The following VPS13C variants were observed in gnomAD, a reference collection of about 807,000 sequenced individuals.
The protein encoded by VPS13C is vacuolar protein sorting 13 homolog C.
In VPS13C, 358 loss-of-function variants were observed where a neutral mutation model predicts 456.8. That is an observed-to-expected ratio of 0.78 (90% CI 0.72 to 0.86). The LOEUF (loss-of-function observed/expected upper bound fraction) is 0.86. Ranked by LOEUF, VPS13C falls within the 40% of genes least tolerant of loss-of-function variation. VPS13C has a pLI of 0.00. For missense variants in VPS13C, 4,818 were observed against 4,385.4 expected, an observed-to-expected ratio of 1.10 and a Z score of -2.79; for synonymous variants, 1,578 against 1,486.7, an observed-to-expected ratio of 1.06 and a Z score of -1.41.
At chr15:62,001,567 G>A (rs191045916) in intron 15 of VPS13C, among the ~76,000 whole-genome samples, 139 of 151,882 alleles carry the variant, frequency 9.2e-4, no homozygotes, top group Non-Finnish European at 1.6e-3. Context: ...TGTGCACAAC[G>A]TGCAGGTTAG....
intron 33 of VPS13C, 60 bp downstream of exon 33, chr15:61,962,689 A>G: frequency 2.2e-6 from 3 of 1,366,980 alleles, no homozygotes; most frequent in Non-Finnish European, 3.0e-6. Context: ...AATACATTTT[A>G]CAATAGAAGC....
intron 1 of VPS13C, among the ~76,000 whole-genome samples, chr15:62,053,349 G>A (rs767417232): frequency 1.3e-5 from 2 of 152,116 alleles, no homozygotes; most frequent in Non-Finnish European, 2.9e-5. Context: ...CTGCCCTACA[G>A]GTACCTGTTA....
At position 62,005,419 on chromosome 15, in the gene VPS13C, G is replaced by T. The variant is rs191866944; in HGVS notation, c.1290+1889C>A. 9.5e-4 allele frequency among the ~76,000 whole-genome samples: 144 copies of T among 152,158 alleles called. 1 individual carries two copies. The highest frequency in any genetic ancestry group is 3.4e-3 in the African/African-American group (141 of 41,504). On this transcript the variant is annotated intron_variant, in intron 15 of 84. Transcript: ENST00000644861. ...TTTGAGCCTATTTTTGTCTCTGCAC[G>T]TGAGATGGGTTTCCTGAATACAGCA...
In VPS13C at chr15:61,890,374, A is replaced by G. The variant is rs777512437; in HGVS notation, c.9132T>C (p.Asp3044=). The G allele has an allele frequency of 1.9e-6, 3 of 1,614,104 alleles. No individual in the cohort carries two copies. Among genetic ancestry groups the G allele is most frequent in the South Asian group, 1.1e-5 (1 of 91,062 alleles). Residue 3044 remains aspartate (D), a synonymous_variant, in exon 67 of 85, where the codon GAT becomes GAC. Transcript: ENST00000644861. Reference sequence around the variant, plus strand: ...ATACCCAGTGTATCTGGATGTTTGCATCATATGGAAACTGTCCACATCCAT... The same window carrying G: ...ATACCCAGTGTATCTGGATGTTTGCGTCATATGGAAACTGTCCACATCCAT... ...LKDGCGQFPY[D]ANIQIHWVSF... is the part of the protein sequence containing the mutation.
intron 18 of VPS13C, among the ~76,000 whole-genome samples, chr15:61,986,185 C>T (rs1021616125): frequency 4.7e-5 from 7 of 149,550 alleles, no homozygotes; most frequent in South Asian, 2.1e-4. Flanking sequence ...GAACAAAAAC[C>T]AGCAGAAACA....
In VPS13C at chr15:61,867,967, A is replaced by C; in HGVS notation, c.10863+692T>G. On this transcript the variant is annotated intron_variant, in intron 81 of 84. Transcript: ENST00000644861. The surrounding 1 kb of genome is among the most constrained non-coding windows in gnomAD (Gnocchi z 5.0). Reference sequence around the variant, plus strand: ...TTCTTGCTGTGCAGGCAGAAAAACAAAGAAAATAAAGTTAGAAGCATGCAG... The same window carrying C: ...TTCTTGCTGTGCAGGCAGAAAAACACAGAAAATAAAGTTAGAAGCATGCAG... The C allele has an allele frequency of 6.7e-7, 1 of 1,500,718 alleles. No individual in the cohort carries two copies. The highest frequency in any genetic ancestry group is 9.3e-7 in the Non-Finnish European group (1 of 1,079,552). The allele number at this position is 1,500,718 out of a possible 1,614,324, so 93.0% of individuals were successfully genotyped here.
chr15:61,860,880 G>C (rs577312440), intron 82 of VPS13C, among the ~76,000 whole-genome samples: 1 of 151,690 alleles, frequency 6.6e-6, no homozygotes, highest in African/African-American at 2.4e-5. Flanking sequence ...TAATTACATA[G>C]GGACAAAACG....
intron 13 of VPS13C, among the ~76,000 whole-genome samples, chr15:62,009,435 T>TAAA (rs2140501125): frequency 6.6e-6 from 1 of 152,280 alleles, no homozygotes; most frequent in South Asian, 2.1e-4. Context: ...AACTAAAGGT[T>TAAA]ACCTACCATG....
In VPS13C at chr15:61,928,233, T is replaced by C. The variant is rs183188209; in HGVS notation, c.6287-913A>G. On this transcript the variant is annotated intron_variant, in intron 51 of 84. Transcript: ENST00000644861. ...GAATAATCCTGTTTTGAAGTTCTTT[T>C]TATCAGAATTAAAGAATGTGCATGT... Among the ~76,000 whole-genome samples the C allele has an allele frequency of 4.5e-3, 685 of 152,250 alleles. 7 individuals carry two copies. The highest frequency in any genetic ancestry group is 0.015 in the African/African-American group (635 of 41,548).
At chr15:62,003,686 T>G (rs2046720563) in intron 15 of VPS13C, among the ~76,000 whole-genome samples, 2 of 152,068 alleles carry the variant, frequency 1.3e-5, no homozygotes, top group South Asian at 4.2e-4. Flanking sequence ...TATTTTGAGA[T>G]ACATCCCATC....
At chr15:61,881,455 G>A (rs997691362) in intron 71 of VPS13C, 108 bp downstream of exon 71, 41 of 1,156,544 alleles carry the variant, frequency 3.5e-5, no homozygotes, top group Non-Finnish European at 2.4e-6. Flanking sequence ...AGGTTCAGCT[G>A]GAAAATACTT....
chr15:61,861,581 T>C (rs1194335253), intron 82 of VPS13C, among the ~76,000 whole-genome samples: 1 of 152,172 alleles, frequency 6.6e-6, no homozygotes, highest in Non-Finnish European at 1.5e-5. Context: ...CATGTATGCC[T>C]ATAGTCCAGG....
chr15:61,946,203 C>G (rs2044599151), intron 44 of VPS13C, 104 bp downstream of exon 44: 3 of 896,448 alleles, frequency 3.3e-6, no homozygotes, highest in Non-Finnish European at 4.9e-6. Flanking sequence ...AATAAAGTGC[C>G]TGGTACATGA....
chr15:61,863,445 T>C lies in VPS13C; in HGVS notation c.10947A>G (p.Thr3649=). Residue 3649 remains threonine, a synonymous_variant, in exon 82 of 85, where the codon ACA becomes ACG. Transcript: ENST00000644861. ...ATGTCACTTCAAGTCAGTACCTATT[T>C]GTAACCATAAGGATTGTCTTCTTGC... ...PGSKKTILMV[T]NRRVLCIKEV... 1 of 1,611,126 alleles carries C rather than the reference T, an allele frequency of 6.2e-7. No homozygotes were observed.
chr15:61,890,455 A>C (rs1156477259), intron 66 of VPS13C, 55 bp from the exon 67 acceptor site: 4 of 1,434,218 alleles, frequency 2.8e-6, no homozygotes, highest in Non-Finnish European at 3.8e-6. Context: ...TTATTATATA[A>C]AATTGAACTA....
chr15:62,037,276 A>G (rs1430980335), intron 3 of VPS13C, among the ~76,000 whole-genome samples: 3 of 73,204 alleles, frequency 4.1e-5, no homozygotes, highest in Non-Finnish European at 2.3e-5. Flanking sequence ...ATTATATAAT[A>G]TATTATATAT....
chr15:61,871,907 A>G, intron 79 of VPS13C, 82 bp downstream of exon 79: 1 of 1,229,840 alleles, frequency 8.1e-7, no homozygotes, highest in South Asian at 1.4e-5. Context: ...AATCAAGTAT[A>G]TAGCAGCAAT....
chr15:61,890,089 T>C, intron 67 of VPS13C, 76 bp downstream of exon 67: 2 of 1,363,776 alleles, frequency 1.5e-6, no homozygotes, highest in South Asian at 2.5e-5. Flanking sequence ...GGTATCTTTT[T>C]ACTTTCTTCA....
At position 61,877,828 on chromosome 15, in the gene VPS13C, G is replaced by A. The variant is rs551653890; in HGVS notation, c.10143-774C>T. Reference sequence around the variant, plus strand: ...CATGTATTCTTTGATAAATAATAACGCCATCACTGTGTTTTCCCTTTTGCG... The same window carrying A: ...CATGTATTCTTTGATAAATAATAACACCATCACTGTGTTTTCCCTTTTGCG... On this transcript the variant is annotated intron_variant, in intron 74 of 84. Coordinates refer to ENST00000644861, the MANE Select transcript of VPS13C (RefSeq NM_020821.3). 5.9e-5 allele frequency among the ~76,000 whole-genome samples: 9 copies of A among 151,756 alleles called. No individual in the cohort carries two copies. In the East Asian group the frequency reaches 1.5e-3, roughly 26 times the overall value.
Sources: allele counts gnomAD v4.1 joint callset (sites outside exome capture counted in the v4.1 genomes callset), GRCh38; gene constraint gnomAD v4.1.1; non-coding constraint Gnocchi (gnomAD v3.1); transcripts MANE v1.5; gene names NCBI Gene and HGNC (gene_info 2026-07-23, HGNC 2026-07-21).